The following CDK19 variants were observed in gnomAD, a reference collection of about 807,000 sequenced individuals.
CDK19 encodes cyclin-dependent kinase 19.
Under a neutral mutation model 68.3 loss-of-function variants are expected in CDK19, and 20 were observed. The ratio of observed to expected loss-of-function variants is 0.29; its 90% CI spans 0.21 to 0.43. CDK19 has a LOEUF of 0.43. Ranked by LOEUF, CDK19 falls within the 20% of genes least tolerant of loss-of-function variation. The probability of loss-of-function intolerance (pLI) is 1.00; values close to 1 mark genes in which losing one functional copy is unlikely to be tolerated. For synonymous variants in CDK19, 221 were observed against 222.8 expected (o/e 0.99, Z 0.07); for missense variants, 339 against 623.5 (o/e 0.54, Z 4.86).
intron 1 of CDK19, among the ~76,000 whole-genome samples, chr6:110,800,963 G>A (rs1782299810): frequency 6.6e-6 from 1 of 152,026 alleles, no homozygotes; most frequent in Non-Finnish European, 1.5e-5. Flanking sequence ...AATCAGGCAA[G>A]AGAGAGAAAT....
At chr6:110,691,125 T>G (rs1772945317) in intron 2 of CDK19, among the ~76,000 whole-genome samples, 1 of 151,932 alleles carries the variant, frequency 6.6e-6, no homozygotes, top group South Asian at 2.1e-4. Context: ...ATGAAGAAAT[T>G]TTTTAAAAAA....
chr6:110,787,603 A>ATATTT (rs756239206), intron 1 of CDK19, among the ~76,000 whole-genome samples: 11 of 151,960 alleles, frequency 7.2e-5, no homozygotes, highest in Non-Finnish European at 1.6e-4. Context: ...ACGTGCCACC[A>ATATTT]TATTTTATTT....
At chr6:110,797,202 C>T (rs1405326784) in intron 1 of CDK19, among the ~76,000 whole-genome samples, 2 of 151,276 alleles carry the variant, frequency 1.3e-5, no homozygotes, top group Non-Finnish European at 2.9e-5. Context: ...TAGCCAGGCA[C>T]GGTGGCAGGT....
chr6:110,745,105 AG>A (rs1304523455), intron 2 of CDK19, among the ~76,000 whole-genome samples: 1 of 152,224 alleles, frequency 6.6e-6, no homozygotes, highest in Non-Finnish European at 1.5e-5. Flanking sequence ...AGCCCTAATT[AG>A]CAATCTTTAC....
At chr6:110,741,452 T>A (rs1430265844) in intron 2 of CDK19, among the ~76,000 whole-genome samples, 1 of 150,328 alleles carries the variant, frequency 6.7e-6, no homozygotes, top group African/African-American at 2.4e-5. Context: ...CAGAGTGAGA[T>A]CCTGTCTCAA....
At chr6:110,808,828 T>C (rs1022990426) in intron 1 of CDK19, among the ~76,000 whole-genome samples, 1 of 152,222 alleles carries the variant, frequency 6.6e-6, no homozygotes, top group Non-Finnish European at 1.5e-5. Flanking sequence ...ATTACTAGTC[T>C]AGCAATTCTA....
At chr6:110,742,717 G>A (rs1777773672) in intron 2 of CDK19, among the ~76,000 whole-genome samples, 2 of 152,142 alleles carry the variant, frequency 1.3e-5, no homozygotes, top group African/African-American at 4.8e-5. Flanking sequence ...GTCTCCTGCA[G>A]TACCCTCAGG....
rs6909457 is a variant in CDK19, at chr6:110,806,169, G to A, written c.128+8840C>T. ...AGCCCGGCCAACATGATGAAACCCC[G>A]TTTCTACTAAAAAATACAAAATTAG... is the stretch of plus-strand genomic sequence containing the variant. On this transcript the variant is annotated intron_variant, in intron 1 of 12. Transcript: ENST00000368911. Among the ~76,000 whole-genome samples the A allele has an allele frequency of 2.1e-3, 313 of 151,560 alleles. 3 individuals are homozygous for A. Among genetic ancestry groups the A allele is most frequent in the African/African-American group, 7.3e-3 (303 of 41,310 alleles).
At chr6:110,748,687 A>C (rs1230784795) in intron 1 of CDK19, among the ~76,000 whole-genome samples, 1 of 152,206 alleles carries the variant, frequency 6.6e-6, no homozygotes, top group African/African-American at 2.4e-5. Context: ...CCTTAGTCTG[A>C]AGACAAAACA....
chr6:110,794,643 T>C (rs945797479), intron 1 of CDK19, among the ~76,000 whole-genome samples: 1 of 151,820 alleles, frequency 6.6e-6, no homozygotes, highest in Non-Finnish European at 1.5e-5. Flanking sequence ...GACCTCGTGA[T>C]CCACCCGCCT....
At chr6:110,711,771 C>T (rs2114693134) in intron 2 of CDK19, among the ~76,000 whole-genome samples, 1 of 152,328 alleles carries the variant, frequency 6.6e-6, no homozygotes, top group South Asian at 2.1e-4. Context: ...AGTTTGAGAC[C>T]AGCCTGGCCA....
In CDK19 at chr6:110,798,931, C is replaced by G. The variant is rs187285005; in HGVS notation, c.128+16078G>C. Among the ~76,000 whole-genome samples, 433 of 151,264 alleles carry G rather than the reference C, an allele frequency of 2.9e-3. 3 individuals are homozygous for G. Among genetic ancestry groups the G allele is most frequent in the Admixed American group, 8.2e-3 (124 of 15,144 alleles). ...GCTCAGGCAGGCAGATCACCTGAGC[C>G]CAAGAGTTCAAGACCAGCCTGGGCA... is the stretch of plus-strand genomic sequence containing the variant. On this transcript the variant is annotated intron_variant, in intron 1 of 12. Coordinates refer to ENST00000368911, the MANE Select transcript of CDK19 (RefSeq NM_015076.5).
intron 2 of CDK19, among the ~76,000 whole-genome samples, chr6:110,743,574 G>A (rs1020085965): frequency 4.6e-5 from 7 of 152,008 alleles, no homozygotes; most frequent in Non-Finnish European, 5.9e-5. Flanking sequence ...CCCAGAAGGC[G>A]GAAATTGCAC....
chr6:110,759,367 T>C (rs1434482580), intron 1 of CDK19, among the ~76,000 whole-genome samples: 1 of 132,238 alleles, frequency 7.6e-6, no homozygotes, highest in Admixed American at 8.6e-5. Flanking sequence ...ATGGCACCAC[T>C]GCACTCCAGC....
At chr6:110,718,098 T>C (rs1023018388) in intron 2 of CDK19, among the ~76,000 whole-genome samples, 2 of 152,152 alleles carry the variant, frequency 1.3e-5, no homozygotes, top group African/African-American at 4.8e-5. Flanking sequence ...AGACACCCAA[T>C]CTGCCGGCAC....
intron 1 of CDK19, among the ~76,000 whole-genome samples, chr6:110,811,284 T>C (rs576306516): frequency 3.0e-4 from 46 of 152,330 alleles, no homozygotes; most frequent in South Asian, 8.3e-4. Flanking sequence ...CTATTAGCTA[T>C]ATGCATCTAC....
chr6:110,633,301 T>C (rs977951905), intron 5 of CDK19, among the ~76,000 whole-genome samples: 4 of 152,134 alleles, frequency 2.6e-5, no homozygotes, highest in African/African-American at 9.7e-5. Flanking sequence ...CTTAGTTCAG[T>C]GTGTGCTGCA....
intron 2 of CDK19, among the ~76,000 whole-genome samples, chr6:110,743,042 A>G (rs1382213644): frequency 6.6e-6 from 1 of 152,156 alleles, no homozygotes; most frequent in Non-Finnish European, 1.5e-5. Flanking sequence ...GCCCAGCTGT[A>G]AAATTCCTCT....
At chr6:110,633,399 T>G (rs913548136) in intron 5 of CDK19, among the ~76,000 whole-genome samples, 9 of 152,232 alleles carry the variant, frequency 5.9e-5, no homozygotes, top group African/African-American at 2.2e-4. Flanking sequence ...GATTTGGAAT[T>G]GGCTATGGTA....
Sources: allele counts gnomAD v4.1 joint callset (sites outside exome capture counted in the v4.1 genomes callset), GRCh38; gene constraint gnomAD v4.1.1; transcripts MANE v1.5; gene names NCBI Gene and HGNC (gene_info 2026-07-23, HGNC 2026-07-21).